Variants in ZSCAN5A observed in about 807,000 individuals in gnomAD.
The protein encoded by ZSCAN5A is zinc finger and SCAN domain containing 5A, also known as zinc finger and SCAN domain-containing protein 5A.
Under a neutral mutation model 23.7 loss-of-function variants are expected in ZSCAN5A, and 12 were observed. The ratio of observed to expected loss-of-function variants is 0.51; its 90% CI spans 0.32 to 0.82. ZSCAN5A has a LOEUF of 0.82. Among genes scored for constraint, ZSCAN5A ranks in the 40% least tolerant of loss-of-function variants. The pLI, the probability that ZSCAN5A is intolerant of heterozygous loss-of-function variation, is 0.03. For missense variants in ZSCAN5A, 597 were observed against 617.9 expected, an observed-to-expected ratio of 0.97 and a Z score of 0.36; for synonymous variants, 257 against 239.9, an observed-to-expected ratio of 1.07 and a Z score of -0.66.
At chr19:56,235,635 T>C (rs66761351) in intron 2 of ZSCAN5A, among the ~76,000 whole-genome samples, 354 of 7,750 alleles carry the variant, frequency 0.046, 6 homozygotes, top group South Asian at 0.11. Flanking sequence ...GTGGGCCAAG[T>C]CTCCACTCCA....
rs73621067 is a variant in ZSCAN5A, at chr19:56,257,118, A to G, written c.-127-31945T>C. ...GGGGTTAGATAGCCCCTCAAAAGACAGAGTGTGGAGAGAAGAGCCACATGT... is the reference window on the plus strand; with the variant it reads ...GGGGTTAGATAGCCCCTCAAAAGACGGAGTGTGGAGAGAAGAGCCACATGT... On this transcript the variant is annotated intron_variant, in intron 2 of 5. Transcript: ENST00000683990. Among the ~76,000 whole-genome samples, 310 of 152,314 alleles carry G rather than the reference A, an allele frequency of 2.0e-3. 3 individuals carry two copies. Among genetic ancestry groups the G allele is most frequent in the African/African-American group, 7.2e-3 (299 of 41,576 alleles).
chr19:56,244,210 G>A (rs749127212), intron 2 of ZSCAN5A: 618 of 1,607,836 alleles, frequency 3.8e-4, no homozygotes, highest in Non-Finnish European at 4.9e-4. Flanking sequence ...CAGAGGAGTC[G>A]GACCCCATCC....
rs902015321 is a variant in ZSCAN5A, at chr19:56,356,214, A to C, written c.-358+7021T>G. 2.7e-5 allele frequency among the ~76,000 whole-genome samples: 4 copies of C among 148,490 alleles called. 1 individual carries two copies. Among genetic ancestry groups the C allele is most frequent in the Admixed American group, 6.7e-5 (1 of 15,030 alleles). On this transcript the variant is annotated intron_variant, in intron 2 of 6. Coordinates refer to the ZSCAN5A transcript ENST00000587340. ...ACAGAGTTCAGGAGAGCCTTTATTA[A>C]GGTGAGCACCTGGCTCAGTAGGACT...
chr19:56,329,156 C>T (rs915245681), intron 2 of ZSCAN5A, among the ~76,000 whole-genome samples: 5 of 152,002 alleles, frequency 3.3e-5, no homozygotes, highest in Admixed American at 2.6e-4. Flanking sequence ...TGAGACCAAC[C>T]TGGCTAACAT....
intron 2 of ZSCAN5A, among the ~76,000 whole-genome samples, chr19:56,242,585 C>A (rs557637851): frequency 1.3e-5 from 2 of 152,098 alleles, no homozygotes; most frequent in Non-Finnish European, 2.9e-5. Flanking sequence ...TGACCTTTCC[C>A]GAGACCCTCC....
chr19:56,319,471 G>C (rs1003655061), upstream of ZSCAN5A, among the ~76,000 whole-genome samples: 4 of 135,172 alleles, frequency 3.0e-5, no homozygotes, highest in African/African-American at 1.1e-4. Context: ...ACTCCAGCCT[G>C]GGCGACAGAC....
chr19:56,275,082 G>A (rs1263567677), intron 2 of ZSCAN5A, among the ~76,000 whole-genome samples: 3 of 152,186 alleles, frequency 2.0e-5, no homozygotes, highest in Admixed American at 6.5e-5. Flanking sequence ...ATGTTGATGT[G>A]TCTTATTACC....
intron 2 of ZSCAN5A, chr19:56,322,022 A>C: frequency 1.3e-6 from 1 of 777,468 alleles, no homozygotes; most frequent in Non-Finnish European, 2.4e-6. Context: ...TCTTTCTACA[A>C]GGCTGTTTTT....
upstream of ZSCAN5A, chr19:56,315,934 C>G (rs2041302996): frequency 6.6e-6 from 1 of 152,244 alleles, no homozygotes; most frequent in African/African-American, 2.4e-5. Context: ...GAGATTTGGA[C>G]AAGTTACCGC....
intron 1 of ZSCAN5A, among the ~76,000 whole-genome samples, chr19:56,365,297 C>T (rs1479012418): frequency 6.6e-6 from 1 of 152,194 alleles, no homozygotes; most frequent in Non-Finnish European, 1.5e-5. Flanking sequence ...GCCTATGGTA[C>T]ATACTGGATT....
intron 2 of ZSCAN5A, chr19:56,310,125 G>C (rs1470032721): frequency 6.6e-6 from 1 of 152,316 alleles, no homozygotes; most frequent in East Asian, 1.9e-4. Context: ...CTTTCTTAGG[G>C]ATGATCCCTG....
chr19:56,335,609 G>A (rs1381531563), intron 2 of ZSCAN5A, among the ~76,000 whole-genome samples: 2 of 152,198 alleles, frequency 1.3e-5, no homozygotes, highest in Non-Finnish European at 2.9e-5. Flanking sequence ...TGTTATGTGT[G>A]AATTTGATCC....
intron 2 of ZSCAN5A, among the ~76,000 whole-genome samples, chr19:56,269,383 T>C (rs765821141): frequency 6.6e-6 from 1 of 152,178 alleles, no homozygotes; most frequent in Non-Finnish European, 1.5e-5. Context: ...CTCAGGGATA[T>C]AGTCAATTGA....
intron 2 of ZSCAN5A, among the ~76,000 whole-genome samples, chr19:56,350,994 C>T (rs938849669): frequency 1.3e-5 from 2 of 151,898 alleles, no homozygotes; most frequent in Non-Finnish European, 2.9e-5. Context: ...ATTGCTGTCC[C>T]CCCCCAACCA....
At chr19:56,280,553 G>T (rs758600185) in intron 2 of ZSCAN5A, 10 of 151,950 alleles carry the variant, frequency 6.6e-5, no homozygotes, top group Non-Finnish European at 1.5e-4. Context: ...TATAACCACT[G>T]TCGTAGTCTG....
At chr19:56,279,907 TTTAA>T (rs2038558371) in intron 2 of ZSCAN5A, among the ~76,000 whole-genome samples, 1 of 152,134 alleles carries the variant, frequency 6.6e-6, no homozygotes, top group African/African-American at 2.4e-5. Context: ...TTACATAAAC[TTTAA>T]TTACATTTAA....
upstream of ZSCAN5A, chr19:56,315,556 G>A (rs1206128000): frequency 6.6e-6 from 1 of 152,360 alleles, no homozygotes; most frequent in Non-Finnish European, 1.5e-5. Flanking sequence ...CCACGGGAGG[G>A]GAGAAAGCTG....
intron 2 of ZSCAN5A, among the ~76,000 whole-genome samples, chr19:56,254,059 CT>C (rs11425014): frequency 1.6e-3 from 233 of 143,292 alleles, no homozygotes; most frequent in Middle Eastern, 0.014. Flanking sequence ...GAATGAGCAT[CT>C]TTTTTTTTTT....
intron 2 of ZSCAN5A, among the ~76,000 whole-genome samples, chr19:56,239,187 C>T (rs2035215806): frequency 6.6e-6 from 1 of 152,114 alleles, no homozygotes; most frequent in Non-Finnish European, 1.5e-5. Flanking sequence ...TAAGATTTCC[C>T]AAGGATTTAA....
Sources: allele counts gnomAD v4.1 joint callset (sites outside exome capture counted in the v4.1 genomes callset), GRCh38; gene constraint gnomAD v4.1.1; transcripts MANE v1.5; gene names NCBI Gene and HGNC (gene_info 2026-07-23, HGNC 2026-07-21).